PRKCSH: variants seen among roughly 807,000 people sequenced by gnomAD.
PRKCSH encodes the protein PRKCSH beta subunit of glucosidase II, also known as glucosidase 2 subunit beta.
Under a neutral mutation model 79.7 loss-of-function variants are expected in PRKCSH, and 42 were observed. That is an observed-to-expected ratio of 0.53 (90% CI 0.41 to 0.68). PRKCSH has a LOEUF of 0.68. PRKCSH is among the 30% of genes least tolerant of loss of function. The pLI, the probability that PRKCSH is intolerant of heterozygous loss-of-function variation, is 0.00. For missense variants in PRKCSH, 686 were observed against 709.0 expected, an observed-to-expected ratio of 0.97 and a Z score of 0.37; for synonymous variants, 325 against 288.2, an observed-to-expected ratio of 1.13 and a Z score of -1.29.
chr19:11,439,616 T>C (rs1297046578), intron 5 of PRKCSH, among the ~76,000 whole-genome samples: 1 of 130,750 alleles, frequency 7.6e-6, no homozygotes, highest in Admixed American at 7.5e-5. Flanking sequence ...TTTTTTTTTT[T>C]TTTTTTTTTT....
chr19:11,440,408 T>C (rs1192990325), intron 5 of PRKCSH, among the ~76,000 whole-genome samples: 1 of 151,676 alleles, frequency 6.6e-6, no homozygotes, highest in Admixed American at 6.6e-5. Flanking sequence ...CGCCTCGGTC[T>C]CCCAAAGTGC....
In PRKCSH at chr19:11,448,391, G is replaced by C. The variant is rs1970425947; in HGVS notation, c.1196+100G>C. The C allele has an allele frequency of 2.0e-6, 3 of 1,494,722 alleles. No individual in the cohort carries two copies. In the Admixed American group the frequency reaches 5.8e-5, roughly 29 times the overall value. 92.6% of individuals were successfully genotyped at this position (1,494,722 alleles called of 1,614,324 possible). On this transcript the variant is annotated intron_variant, in intron 13 of 17. Transcript: ENST00000677123. This position sits in a 1 kb window ranked among gnomAD's most constrained non-coding sequence, Gnocchi z 4.4. Reference sequence around the variant, plus strand: ...GGAATCACTGAGGCAACCACAGGCTGGGCCTGGTCCCTGCAGGGAGGGTCC... The same window carrying C: ...GGAATCACTGAGGCAACCACAGGCTCGGCCTGGTCCCTGCAGGGAGGGTCC...
At chr19:11,446,974 C>T in intron 9 of PRKCSH, 100 bp from the exon 10 acceptor site, 1 of 1,316,130 alleles carries the variant, frequency 7.6e-7, no homozygotes, top group South Asian at 1.2e-5. Flanking sequence ...GGCCCGGGGC[C>T]CAGCCCTCCC....
rs1443919426 is a variant in PRKCSH at position 11,446,397 on chromosome 19, C to G, written c.762+47C>G. ...TTGGGGACTTCTAGGGAGCATTGCC[C>G]CAGGGTGACCTCAGGGCACAGGAGG... On this transcript the variant is annotated intron_variant, in intron 9 of 17. Coordinates refer to ENST00000677123, the MANE Select transcript of PRKCSH (RefSeq NM_001289104.2). 2.5e-6 allele frequency: 4 copies of G among 1,584,536 alleles called. No individual in the cohort carries two copies. In the South Asian group the frequency reaches 4.6e-5, roughly 18 times the overall value.
In PRKCSH at chr19:11,437,900, G is replaced by C; in HGVS notation, c.221G>C (p.Ser74Thr). ...EPGTAACPNG[S>T]FHCTNTGYKP... ...GGCACGGCTGCCTGTCCTAATGGCA[G>C]CTTCCACTGCACCAACACTGGCTAT... Residue 74 changes from serine to threonine, a missense_variant, in exon 4 of 18, where the codon AGC becomes ACC. Physicochemically the swap from Ser to Thr is moderately conservative, Grantham distance 58 (BLOSUM62 1). Coordinates refer to ENST00000677123, the MANE Select transcript of PRKCSH (RefSeq NM_001289104.2). The C allele has an allele frequency of 6.2e-7, 1 of 1,614,172 alleles. No individual in the cohort carries two copies.
chr19:11,449,467 A>T lies in PRKCSH; in HGVS notation c.*16+39A>T. ...TGGAGTCTCGTCGGCCTGCCCCAGC[A>T]AGGGGAGGCGGCGGGCCCTGAGGAA... On this transcript the variant is annotated intron_variant, in intron 17 of 17. Transcript: ENST00000677123. This position sits in a 1 kb window ranked among gnomAD's most constrained non-coding sequence, Gnocchi z 6.4. The T allele has an allele frequency of 4.3e-6, 7 of 1,611,546 alleles. No homozygotes were observed. The highest frequency in any genetic ancestry group is 5.9e-6 in the Non-Finnish European group (7 of 1,179,198).
rs1970354077 is a variant in PRKCSH at position 11,447,295 on chromosome 19, C to T, written c.849+135C>T. 11 of 1,309,202 alleles carry T rather than the reference C, an allele frequency of 8.4e-6. No individual in the cohort carries two copies. The highest frequency in any genetic ancestry group is 1.2e-5 in the Non-Finnish European group (11 of 933,348). The allele number at this position is 1,309,202 out of a possible 1,614,324, so 81.1% of individuals were successfully genotyped here. On this transcript the variant is annotated intron_variant, in intron 10 of 17. Coordinates refer to ENST00000677123, the MANE Select transcript of PRKCSH (RefSeq NM_001289104.2). This position sits in a 1 kb window ranked among gnomAD's most constrained non-coding sequence, Gnocchi z 5.6. ...GTGGCCCCAGCACCCCCCACCGAGA[C>T]CCCCCGACCCCAGCTGTCGGTCCTC...
Position 11,447,001 on chromosome 19 carries a change from C to A in PRKCSH, c.763-73C>A. Reference sequence around the variant, plus strand: ...AGCCCTCCCGTGCCTGGCACCGCAGCCCGGGTGCCGGGGTGGCCGAGATGG... The same window carrying A: ...AGCCCTCCCGTGCCTGGCACCGCAGACCGGGTGCCGGGGTGGCCGAGATGG... On this transcript the variant is annotated intron_variant, in intron 9 of 17. Transcript: ENST00000677123. The surrounding 1 kb of genome is among the most constrained non-coding windows in gnomAD (Gnocchi z 5.6). 6.5e-7 allele frequency: 1 copy of A among 1,526,916 alleles called. No individual in the cohort carries two copies. The highest frequency in any genetic ancestry group is 9.1e-7 in the Non-Finnish European group (1 of 1,101,160). The allele number at this position is 1,526,916 out of a possible 1,614,324, so 94.6% of individuals were successfully genotyped here. A position where few individuals can be genotyped will look rare whatever the true frequency, so the allele number is the denominator to read the frequency against.
rs781074121 is a variant in PRKCSH at position 11,447,795 on chromosome 19, G to C, written c.1126+6G>C. 6 of 1,559,612 alleles carry C rather than the reference G, an allele frequency of 3.8e-6. No individual in the cohort carries two copies. The highest frequency in any genetic ancestry group is 5.2e-6 in the Non-Finnish European group (6 of 1,153,444). The stretch of plus-strand genomic sequence containing the variant: ...GACGCAGGCCTTCATCGATGGTGAG[G>C]GTGGGCGGGGGCCAGGCTCCTCGGG... On this transcript the variant is annotated splice_donor_region_variant and intron_variant, in intron 12 of 17. Coordinates refer to ENST00000677123, the MANE Select transcript of PRKCSH (RefSeq NM_001289104.2). The surrounding 1 kb of genome is among the most constrained non-coding windows in gnomAD (Gnocchi z 5.6).
chr19:11,448,895 AT>A lies in PRKCSH; in HGVS notation c.1287-18del. 6.2e-7 allele frequency: 1 copy of A among 1,613,928 alleles called. No homozygotes were observed. Among genetic ancestry groups the A allele is most frequent in the South Asian group, 1.1e-5 (1 of 91,088 alleles). On this transcript the variant is annotated intron_variant, in intron 14 of 17. Coordinates refer to ENST00000677123, the MANE Select transcript of PRKCSH (RefSeq NM_001289104.2). The surrounding 1 kb of genome is among the most constrained non-coding windows in gnomAD (Gnocchi z 4.4). ...GGAATCCCTGCGTTCCCCAACCCATATGTCCCGGTCCTCCACAGATACGTCT... is the reference window on the plus strand; with the variant it reads ...GGAATCCCTGCGTTCCCCAACCCATAGTCCCGGTCCTCCACAGATACGTCT...
At position 11,448,388 on chromosome 19, in the gene PRKCSH, G is replaced by C; in HGVS notation, c.1196+97G>C. ...TGGGGAATCACTGAGGCAACCACAG[G>C]CTGGGCCTGGTCCCTGCAGGGAGGG... On this transcript the variant is annotated intron_variant, in intron 13 of 17. Transcript: ENST00000677123. The surrounding 1 kb of genome is among the most constrained non-coding windows in gnomAD (Gnocchi z 4.4). 1 of 1,497,450 alleles carries C rather than the reference G, an allele frequency of 6.7e-7. No individual in the cohort carries two copies. Among genetic ancestry groups the C allele is most frequent in the Non-Finnish European group, 9.1e-7 (1 of 1,094,304 alleles). 92.8% of individuals were successfully genotyped at this position (1,497,450 alleles called of 1,614,324 possible).
At position 11,437,865 on chromosome 19, in the gene PRKCSH, C is replaced by A. The variant is rs1311063866; in HGVS notation, c.197-11C>A. The A allele has an allele frequency of 6.2e-7, 1 of 1,613,774 alleles. No individual in the cohort carries two copies. Among genetic ancestry groups the A allele is most frequent in the Non-Finnish European group, 8.5e-7 (1 of 1,179,616 alleles). Reference sequence around the variant, plus strand: ...TGACTCCGAAAACCTTCCCTCCCTTCTTCCTCACAGGCACGGCTGCCTGTC... The same window carrying A: ...TGACTCCGAAAACCTTCCCTCCCTTATTCCTCACAGGCACGGCTGCCTGTC... On this transcript the variant is annotated splice_polypyrimidine_tract_variant and intron_variant, in intron 3 of 17. Coordinates refer to ENST00000677123, the MANE Select transcript of PRKCSH (RefSeq NM_001289104.2).
In PRKCSH at chr19:11,442,077, G is replaced by A. The variant is rs1970086706; in HGVS notation, c.469-309G>A. Among the ~76,000 whole-genome samples, 3 of 152,232 alleles carry A rather than the reference G, an allele frequency of 2.0e-5. No individual in the cohort carries two copies. In the South Asian group the frequency reaches 6.2e-4, roughly 31 times the overall value. ...GAAGGAACAGCATGTTTGAAGAACC[G>A]GAGGCAGAAGAGCGTTTAGGGGTCT... On this transcript the variant is annotated intron_variant, in intron 6 of 17. Coordinates refer to ENST00000677123, the MANE Select transcript of PRKCSH (RefSeq NM_001289104.2).
chr19:11,435,833 A>T, intron 1 of PRKCSH, 127 bp downstream of exon 1: 4 of 1,288,002 alleles, frequency 3.1e-6, no homozygotes, highest in Non-Finnish European at 4.2e-6. Flanking sequence ...ATTGGGTCAC[A>T]ATTGGGCACA....
Position 11,448,100 on chromosome 19 carries a change from G to T in PRKCSH, c.1127-122G>T. ...CTGGTGAGGCCCTCAAGGCTGTCGG[G>T]GTGAAGTCCTTGGCCAGAGCAAAAT... On this transcript the variant is annotated intron_variant, in intron 12 of 17. Transcript: ENST00000677123. The surrounding 1 kb of genome is among the most constrained non-coding windows in gnomAD (Gnocchi z 4.4). The T allele has an allele frequency of 9.2e-7, 1 of 1,086,854 alleles. No individual in the cohort carries two copies. Among genetic ancestry groups the T allele is most frequent in the East Asian group, 2.6e-5 (1 of 38,538 alleles). The allele number at this position is 1,086,854 out of a possible 1,614,324, so 67.3% of individuals were successfully genotyped here. A position where few individuals can be genotyped will look rare whatever the true frequency, so the allele number is the denominator to read the frequency against.
In PRKCSH at chr19:11,438,091, A is replaced by G. The variant is rs757241588; in HGVS notation, c.317A>G (p.Tyr106Cys). The change falls in exon 5 of 18, where the codon TAC (tyrosine) becomes TGC (cysteine). Residue 106 changes from tyrosine (Y) to cysteine (C), a missense_variant. Transcript: ENST00000677123. ...VCDCCDGTDE[Y>C]NSGVICENTC... ...GACTGCTGCGATGGAACAGACGAGT[A>G]CAACAGCGGCGTCATCTGTGAGAAC... is the stretch of plus-strand genomic sequence containing the variant. 24 of 1,614,054 alleles carry G rather than the reference A, an allele frequency of 1.5e-5. No individual in the cohort carries two copies. The highest frequency in any genetic ancestry group is 1.9e-5 in the Non-Finnish European group (23 of 1,180,024).
Position 11,436,433 on chromosome 19 carries a change from G to T in PRKCSH, c.124G>T (p.Gly42Cys). The T allele has an allele frequency of 1.2e-6, 2 of 1,614,178 alleles. No individual in the cohort carries two copies. Among genetic ancestry groups the T allele is most frequent in the East Asian group, 2.2e-5 (1 of 44,884 alleles). Residue 42 changes from glycine (G) to cysteine (C), a missense_variant, in exon 3 of 18, where the codon GGT (glycine) becomes TGT (cysteine). By Grantham distance (159) the Gly-to-Cys change is radical (BLOSUM62 -3). Around this residue, in one of 2 missense-constraint regions of PRKCSH, gnomAD observed 549 missense variants for 520.2 expected, o/e 1.06. Transcript: ENST00000677123. Reference protein sequence around the residue: ...DESKPFTCLDGSATIPFDQVN... With the variant: ...DESKPFTCLDCSATIPFDQVN... The stretch of plus-strand genomic sequence containing the variant: ...GTCCAAGCCTTTCACCTGCCTGGAC[G>T]GTTCGGCCACCATCCCATTTGATCA...
intron 3 of PRKCSH, 168 bp downstream of exon 3, chr19:11,436,673 A>G: frequency 1.5e-6 from 1 of 650,764 alleles, no homozygotes; most frequent in Non-Finnish European, 2.7e-6. Flanking sequence ...GGAGGAGCCC[A>G]GAGTCGTCCT....
chr19:11,448,138 G>A lies in PRKCSH; in HGVS notation c.1127-84G>A. 2.2e-6 allele frequency: 3 copies of A among 1,377,768 alleles called. No homozygotes were observed. The highest frequency in any genetic ancestry group is 5.0e-5 in the East Asian group (2 of 40,082). The allele number at this position is 1,377,768 out of a possible 1,614,324, so 85.3% of individuals were successfully genotyped here. ...GCCAGAGCAAAATGAGGGTATGGGAGCACACAGCCACATCCATGGAACCCC... is the reference window on the plus strand; with the variant it reads ...GCCAGAGCAAAATGAGGGTATGGGAACACACAGCCACATCCATGGAACCCC... On this transcript the variant is annotated intron_variant, in intron 12 of 17. Transcript: ENST00000677123. This position sits in a 1 kb window ranked among gnomAD's most constrained non-coding sequence, Gnocchi z 4.4.
Sources: gnomAD v4.1 joint callset for allele counts (sites outside exome capture counted in the v4.1 genomes callset) on GRCh38, gnomAD v4.1.1 for gene constraint, gnomAD v4.1.1 regional missense constraint, Gnocchi (gnomAD v3.1) non-coding constraint, MANE v1.5 for transcripts, NCBI Gene and HGNC (gene_info 2026-07-23, HGNC 2026-07-21) for gene names.